The following HCN1 variants were observed in gnomAD, a reference collection of about 807,000 sequenced individuals.
The protein encoded by HCN1 is hyperpolarization activated cyclic nucleotide gated potassium channel 1.
Under a neutral mutation model 78.9 loss-of-function variants are expected in HCN1, and 13 were observed. That is an observed-to-expected ratio of 0.16 (90% CI 0.11 to 0.26). HCN1 has a LOEUF of 0.26. Ranked by LOEUF, HCN1 falls within the 10% of genes least tolerant of loss-of-function variation. HCN1 has a pLI of 1.00. For synonymous variants in HCN1, 552 were observed against 455.5 expected, an observed-to-expected ratio of 1.21 and a Z score of -2.70; for missense variants, 810 against 1,154.3, an observed-to-expected ratio of 0.70 and a Z score of 4.32.
intron 4 of HCN1, among the ~76,000 whole-genome samples, chr5:45,370,971 G>A (rs1004104421): frequency 2.0e-5 from 3 of 151,898 alleles, no homozygotes; most frequent in Non-Finnish European, 2.9e-5. Context: ...TTATTTGCTA[G>A]GATAAGCAAA....
intron 3 of HCN1, among the ~76,000 whole-genome samples, chr5:45,399,616 A>G (rs1739754698): frequency 6.6e-6 from 1 of 152,160 alleles, no homozygotes; most frequent in Non-Finnish European, 1.5e-5. Context: ...TTTGTTGTTA[A>G]TAGGGTTTTC....
chr5:45,676,334 G>T (rs980121743), intron 1 of HCN1, among the ~76,000 whole-genome samples: 13 of 151,650 alleles, frequency 8.6e-5, no homozygotes, highest in Non-Finnish European at 1.6e-4. Context: ...ACACATATAT[G>T]CATAAGCAAA....
chr5:45,381,713 C>T (rs149017473), intron 4 of HCN1, among the ~76,000 whole-genome samples: 2 of 152,208 alleles, frequency 1.3e-5, no homozygotes, highest in Admixed American at 6.6e-5. Flanking sequence ...GACCTTCCCA[C>T]TCCTTGCTAT....
At chr5:45,660,245 G>C (rs1158584312) in intron 1 of HCN1, among the ~76,000 whole-genome samples, 2 of 111,024 alleles carry the variant, frequency 1.8e-5, no homozygotes, top group South Asian at 6.1e-4. Flanking sequence ...TTATAGACAA[G>C]CAAATGCTGA....
intron 6 of HCN1, among the ~76,000 whole-genome samples, chr5:45,283,055 C>T (rs879750185): frequency 5.9e-5 from 9 of 151,832 alleles, no homozygotes; most frequent in Non-Finnish European, 1.2e-4. Flanking sequence ...TCCTACTTTC[C>T]CCAAATGAAT....
chr5:45,605,963 T>G (rs1744720105), intron 2 of HCN1, among the ~76,000 whole-genome samples: 1 of 149,790 alleles, frequency 6.7e-6, no homozygotes, highest in Admixed American at 6.6e-5. Context: ...AAATTAAAAT[T>G]CAAAGGTAAG....
chr5:45,516,279 C>T (rs1362759138), intron 2 of HCN1, among the ~76,000 whole-genome samples: 1 of 151,810 alleles, frequency 6.6e-6, no homozygotes, highest in Non-Finnish European at 1.5e-5. Flanking sequence ...CTTTTTTCTC[C>T]TTAAACTACT....
chr5:45,618,975 G>A (rs763791327), intron 2 of HCN1, among the ~76,000 whole-genome samples: 7 of 152,030 alleles, frequency 4.6e-5, no homozygotes, highest in Non-Finnish European at 1.0e-4. Context: ...GCAATCTAGG[G>A]TGAAATTATC....
At chr5:45,279,764 G>A (rs1472089959) in intron 6 of HCN1, among the ~76,000 whole-genome samples, 2 of 152,010 alleles carry the variant, frequency 1.3e-5, no homozygotes, top group South Asian at 2.1e-4. Context: ...TAAAATTTCA[G>A]TATGCATCAC....
intron 2 of HCN1, among the ~76,000 whole-genome samples, chr5:45,471,860 T>C (rs949921791): frequency 6.6e-6 from 1 of 151,966 alleles, no homozygotes; most frequent in Non-Finnish European, 1.5e-5. Flanking sequence ...ATAAATTGAT[T>C]TGTGTCTATC....
At chr5:45,331,632 CTT>C (rs1173189692) in intron 5 of HCN1, among the ~76,000 whole-genome samples, 2 of 151,390 alleles carry the variant, frequency 1.3e-5, no homozygotes, top group African/African-American at 4.8e-5. Context: ...TTCTGTCACT[CTT>C]GAACACAAAG....
chr5:45,287,831 A>G (rs1413902759), intron 6 of HCN1, among the ~76,000 whole-genome samples: 1 of 152,072 alleles, frequency 6.6e-6, no homozygotes. Flanking sequence ...CGAGCCCTGA[A>G]TCAATAATGC....
intron 5 of HCN1, among the ~76,000 whole-genome samples, chr5:45,322,392 T>G (rs1317099128): frequency 6.6e-6 from 1 of 151,858 alleles, no homozygotes; most frequent in Non-Finnish European, 1.5e-5. Flanking sequence ...TAATATTTAT[T>G]AAATGCTTTG....
rs1746945188 is a variant in HCN1, at chr5:45,353,093, A to G, written c.1377+7T>C. 3 of 1,607,190 alleles carry G rather than the reference A, an allele frequency of 1.9e-6. No individual in the cohort carries two copies. Among genetic ancestry groups the G allele is most frequent in the Non-Finnish European group, 2.6e-6 (3 of 1,175,312 alleles). Reference sequence around the variant, plus strand: ...GTATTATGCATACTGAGGACAATAAATCTTACCTCTCTCAGAGGATCATTG... The same window carrying G: ...GTATTATGCATACTGAGGACAATAAGTCTTACCTCTCTCAGAGGATCATTG... On this transcript the variant is annotated splice_region_variant and intron_variant, in intron 5 of 7. Transcript: ENST00000303230.
intron 2 of HCN1, among the ~76,000 whole-genome samples, chr5:45,519,604 G>T (rs1377618734): frequency 2.0e-5 from 3 of 151,882 alleles, no homozygotes; most frequent in Non-Finnish European, 4.4e-5. Context: ...AATATATGTA[G>T]GGTGTGAGAT....
intron 6 of HCN1, among the ~76,000 whole-genome samples, chr5:45,285,248 C>A (rs1344697268): frequency 6.6e-6 from 1 of 151,936 alleles, no homozygotes; most frequent in Non-Finnish European, 1.5e-5. Flanking sequence ...ACTCTTAGGG[C>A]CTTGAAGATT....
chr5:45,508,738 T>C (rs1742355135), intron 2 of HCN1, among the ~76,000 whole-genome samples: 1 of 152,160 alleles, frequency 6.6e-6, no homozygotes, highest in African/African-American at 2.4e-5. Context: ...ATAAAAAAGA[T>C]TGTTTTAAAT....
intron 5 of HCN1, among the ~76,000 whole-genome samples, chr5:45,347,282 T>A (rs974861536): frequency 6.6e-6 from 1 of 151,872 alleles, no homozygotes; most frequent in Non-Finnish European, 1.5e-5. Flanking sequence ...TCTAGCAAAC[T>A]CCAACAGACC....
chr5:45,568,136 A>G (rs1743746762), intron 2 of HCN1, among the ~76,000 whole-genome samples: 1 of 152,074 alleles, frequency 6.6e-6, no homozygotes, highest in South Asian at 2.1e-4. Context: ...CATCAGTAAC[A>G]TTTGTAATCA....
Sources: gnomAD v4.1 joint callset for allele counts (sites outside exome capture counted in the v4.1 genomes callset) on GRCh38, gnomAD v4.1.1 for gene constraint, MANE v1.5 for transcripts, NCBI Gene and HGNC (gene_info 2026-07-23, HGNC 2026-07-21) for gene names.